CPA6: variants seen among roughly 807,000 people sequenced by gnomAD.
CPA6 encodes carboxypeptidase B.
CPA6 carries 58 observed loss-of-function variants against 63.3 expected under a neutral mutation model. That is an observed-to-expected ratio of 0.92 (90% confidence interval 0.74 to 1.14). The LOEUF is 1.14. CPA6 is among the 50% of genes most tolerant of loss of function. CPA6 has a pLI of 0.00. For synonymous variants in CPA6, 185 were observed against 179.0 expected (o/e 1.03, Z -0.27); for missense variants, 565 against 526.6 (o/e 1.07, Z -0.71).
chr8:67,634,653 A>G (rs1335126796), intron 1 of CPA6, among the ~76,000 whole-genome samples: 1 of 151,530 alleles, frequency 6.6e-6, no homozygotes, highest in Non-Finnish European at 1.5e-5. Context: ...TAACCCTTAA[A>G]TTGAGGGGAA....
intron 1 of CPA6, among the ~76,000 whole-genome samples, chr8:67,683,963 T>TAG (rs1816651568): frequency 6.7e-6 from 1 of 148,276 alleles, no homozygotes. Context: ...AAGCTGGGAC[T>TAG]AGAGGCACAT....
In CPA6 at chr8:67,527,114, C is replaced by T. The variant is rs550069460; in HGVS notation, c.193-9067G>A. ...AGACAAGAGCCCCTGGGCTGTATCTCACCAAGTAATAGAGATTTTCCTCTA... is the reference window on the plus strand; with the variant it reads ...AGACAAGAGCCCCTGGGCTGTATCTTACCAAGTAATAGAGATTTTCCTCTA... On this transcript the variant is annotated intron_variant, in intron 2 of 10. Transcript: ENST00000297770. Among the ~76,000 whole-genome samples, 218 of 152,314 alleles carry T rather than the reference C, an allele frequency of 1.4e-3. 1 individual carries two copies. The highest frequency in any genetic ancestry group is 5.0e-3 in the African/African-American group (209 of 41,574).
chr8:67,568,844 G>A (rs534398165), intron 2 of CPA6, among the ~76,000 whole-genome samples: 20 of 152,180 alleles, frequency 1.3e-4, no homozygotes, highest in African/African-American at 3.9e-4. Flanking sequence ...TCCGCCTCCC[G>A]GGTTCAGGTG....
At chr8:67,636,768 G>A (rs1218993687) in intron 1 of CPA6, among the ~76,000 whole-genome samples, 1 of 151,530 alleles carries the variant, frequency 6.6e-6, no homozygotes, top group African/African-American at 2.4e-5. Flanking sequence ...TGTCATCCCC[G>A]AGCACAAAGA....
At chr8:67,607,231 CTTCTTCTT>C (rs1814682504) in intron 2 of CPA6, among the ~76,000 whole-genome samples, 1 of 117,156 alleles carries the variant, frequency 8.5e-6, no homozygotes, top group South Asian at 3.1e-4. Context: ...TCTTCTTCTT[CTTCTTCTT>C]CTTCTTCTTC....
At chr8:67,682,832 A>G (rs1320813297) in intron 1 of CPA6, among the ~76,000 whole-genome samples, 4 of 152,142 alleles carry the variant, frequency 2.6e-5, no homozygotes, top group Non-Finnish European at 5.9e-5. Flanking sequence ...GAGAACATAA[A>G]CTACTCCTTC....
intron 2 of CPA6, among the ~76,000 whole-genome samples, chr8:67,561,253 A>G (rs7001506): frequency 0.072 from 10,989 of 152,256 alleles, 680 homozygotes; most frequent in African/African-American, 0.16. Flanking sequence ...TGAGAATACA[A>G]ATGAGGAACG....
At chr8:67,665,740 C>T (rs1816212715) in intron 1 of CPA6, among the ~76,000 whole-genome samples, 1 of 152,084 alleles carries the variant, frequency 6.6e-6, no homozygotes. Context: ...AACATGCAGG[C>T]AATAAAGTTT....
At chr8:67,648,102 T>C (rs577606975) in intron 1 of CPA6, among the ~76,000 whole-genome samples, 1 of 152,274 alleles carries the variant, frequency 6.6e-6, no homozygotes, top group East Asian at 1.9e-4. Flanking sequence ...TTGGCCCCTA[T>C]AGGGGGCTTA....
intron 1 of CPA6, among the ~76,000 whole-genome samples, chr8:67,727,755 T>C (rs1817625508): frequency 6.6e-6 from 1 of 152,170 alleles, no homozygotes; most frequent in Non-Finnish European, 1.5e-5. Flanking sequence ...CAAACTATTC[T>C]CTGTTCTTCA....
rs1166432076 is a variant in CPA6 at position 67,475,848 on chromosome 8, TTTC to T, written c.838+7917_838+7919del. Among the ~76,000 whole-genome samples, 49 of 97,222 alleles carry T rather than the reference TTTC, an allele frequency of 5.0e-4. 1 individual carries two copies. The highest frequency in any genetic ancestry group is 4.5e-3 in the Middle Eastern group (1 of 222). The allele number at this position is 97,222 out of a possible 152,430, so 63.8% of individuals were successfully genotyped here. On this transcript the variant is annotated intron_variant, in intron 8 of 10. Coordinates refer to ENST00000297770, the MANE Select transcript of CPA6 (RefSeq NM_020361.5). ...TTTTCTTTCTTTCTTTCTTTCTTTC[TTTC>T]TTTCTTTCTTTCTTTCTTTCTTTCT... is the stretch of plus-strand genomic sequence containing the variant.
chr8:67,696,751 A>C (rs1816919949), intron 1 of CPA6, among the ~76,000 whole-genome samples: 1 of 152,244 alleles, frequency 6.6e-6, no homozygotes, highest in African/African-American at 2.4e-5. Flanking sequence ...TAGTAGACAG[A>C]AAAGACTACA....
chr8:67,575,119 A>G (rs1813589950), intron 2 of CPA6, among the ~76,000 whole-genome samples: 1 of 152,238 alleles, frequency 6.6e-6, no homozygotes, highest in Non-Finnish European at 1.5e-5. Flanking sequence ...AATGGCTAAC[A>G]AATACATGAA....
At chr8:67,623,668 A>G (rs1815132467) in intron 2 of CPA6, among the ~76,000 whole-genome samples, 1 of 152,142 alleles carries the variant, frequency 6.6e-6, no homozygotes, top group South Asian at 2.1e-4. Flanking sequence ...TCCTGGGCTC[A>G]AGTGATCTGC....
chr8:67,649,623 A>G (rs554633614), intron 1 of CPA6, among the ~76,000 whole-genome samples: 1 of 152,350 alleles, frequency 6.6e-6, no homozygotes, highest in South Asian at 2.1e-4. Flanking sequence ...AGCATTGGGA[A>G]CTAAGGTTGA....
intron 1 of CPA6, among the ~76,000 whole-genome samples, chr8:67,651,532 T>C (rs1815837633): frequency 6.6e-6 from 1 of 152,134 alleles, no homozygotes; most frequent in South Asian, 2.1e-4. Flanking sequence ...CATGATTTTT[T>C]GTTTTCCTTG....
At chr8:67,491,144 G>C (rs1811595924) in intron 6 of CPA6, among the ~76,000 whole-genome samples, 1 of 151,806 alleles carries the variant, frequency 6.6e-6, no homozygotes, top group African/African-American at 2.4e-5. Flanking sequence ...CACCAAAATG[G>C]GTGCATCTCA....
chr8:67,564,929 A>T (rs1813300586), intron 2 of CPA6, among the ~76,000 whole-genome samples: 1 of 152,196 alleles, frequency 6.6e-6, no homozygotes, highest in Non-Finnish European at 1.5e-5. Context: ...TTTTCATAGG[A>T]TTATTTGACT....
chr8:67,663,632 C>T (rs1433181810), intron 1 of CPA6, among the ~76,000 whole-genome samples: 1 of 152,064 alleles, frequency 6.6e-6, no homozygotes, highest in Non-Finnish European at 1.5e-5. Flanking sequence ...GTTTGGTTTT[C>T]TCTTCCCGCG....
Sources: gnomAD v4.1 joint callset for allele counts (sites outside exome capture counted in the v4.1 genomes callset) on GRCh38, gnomAD v4.1.1 for gene constraint, MANE v1.5 for transcripts, NCBI Gene and HGNC (gene_info 2026-07-23, HGNC 2026-07-21) for gene names.